Variants in MOBP observed in about 807,000 individuals in gnomAD.
MOBP encodes the protein myelin-associated oligodendrocyte basic protein.
In MOBP, 5 loss-of-function variants were observed where a neutral mutation model predicts 15.0. That is an observed-to-expected ratio of 0.33 (90% CI 0.17 to 0.70). The LOEUF is 0.70. Among genes scored for constraint, MOBP ranks in the 30% least tolerant of loss-of-function variants. MOBP has a pLI of 0.67. For missense variants in MOBP, 188 were observed against 257.8 expected (o/e 0.73, Z 1.85); for synonymous variants, 88 against 99.0 (o/e 0.89, Z 0.66).
At position 39,502,878 on chromosome 3, in the gene MOBP, T is replaced by A; in HGVS notation, c.550T>A (p.Ter184LysextTer11). Residue 184 changes from the stop codon to lysine (K), a stop_lost, in exon 4 of 4, where the codon TAA becomes AAA. Coordinates refer to ENST00000684792, the MANE Select transcript of MOBP (RefSeq NM_001393704.1). This position sits in a 1 kb window ranked among gnomAD's most constrained non-coding sequence, Gnocchi z 6.3. ...GSPVKASRFW[*>K] ...CCCCGTCAAAGCTTCTAGGTTCTGGTAACACCATCTCTTCCCTTTTGTTCC... is the reference window on the plus strand; with the variant it reads ...CCCCGTCAAAGCTTCTAGGTTCTGGAAACACCATCTCTTCCCTTTTGTTCC... 8.2e-7 allele frequency: 1 copy of A among 1,225,036 alleles called. No individual in the cohort carries two copies. Among genetic ancestry groups the A allele is most frequent in the Non-Finnish European group, 1.1e-6 (1 of 889,516 alleles). The allele number at this position is 1,225,036 out of a possible 1,614,324, so 75.9% of individuals were successfully genotyped here. A position where few individuals can be genotyped will look rare whatever the true frequency, so the allele number is the denominator to read the frequency against.
intron 1 of MOBP, among the ~76,000 whole-genome samples, chr3:39,467,973 G>A (rs2042367148): frequency 2.6e-5 from 4 of 152,248 alleles, no homozygotes; most frequent in South Asian, 2.1e-4. Context: ...TTTGGAAATC[G>A]TCTGAGCCCA....
chr3:39,509,192 A>G (rs1474287694), intron 4 of MOBP, among the ~76,000 whole-genome samples: 1 of 152,210 alleles, frequency 6.6e-6, no homozygotes, highest in Non-Finnish European at 1.5e-5. Context: ...GATTATGAAT[A>G]AAGCTGTGAA....
chr3:39,479,638 G>A (rs754353236), intron 1 of MOBP, among the ~76,000 whole-genome samples: 25 of 151,918 alleles, frequency 1.6e-4, no homozygotes, highest in Non-Finnish European at 3.1e-4. Context: ...CTCCTTTCTT[G>A]GGATGATTTA....
chr3:39,504,343 G>T (rs996844654), downstream of MOBP, among the ~76,000 whole-genome samples: 3 of 152,232 alleles, frequency 2.0e-5, no homozygotes, highest in Admixed American at 2.0e-4. Flanking sequence ...ACCTATAGTG[G>T]TGGCTTTGGG....
chr3:39,483,106 G>A (rs1484350537), intron 2 of MOBP, among the ~76,000 whole-genome samples: 1 of 152,184 alleles, frequency 6.6e-6, no homozygotes, highest in Admixed American at 6.5e-5. Flanking sequence ...TTTAATGTGT[G>A]TCCTCCTTGC....
At position 39,496,440 on chromosome 3, in the gene MOBP, C is replaced by T. The variant is rs368330419; in HGVS notation, c.-4-5626C>T. 2.0e-5 allele frequency among the ~76,000 whole-genome samples: 3 copies of T among 151,928 alleles called. No homozygotes were observed. In the South Asian group the frequency reaches 6.2e-4, roughly 32 times the overall value. Reference sequence around the variant, plus strand: ...GGTCTTGATCTCCTAACCTCATGATCCGCCCACCTTGGCCTCCCAAAGTGC... The same window carrying T: ...GGTCTTGATCTCCTAACCTCATGATTCGCCCACCTTGGCCTCCCAAAGTGC... On this transcript the variant is annotated intron_variant, in intron 2 of 3. Coordinates refer to ENST00000684792, the MANE Select transcript of MOBP (RefSeq NM_001393704.1).
rs3036570 is a variant in MOBP at position 39,494,796 on chromosome 3, C to CCCA, written c.-4-7268_-4-7267insACC. On this transcript the variant is annotated intron_variant, in intron 2 of 3. Coordinates refer to ENST00000684792, the MANE Select transcript of MOBP (RefSeq NM_001393704.1). ...ATATTTTCAAAGCCCCCCCCCGCCCCCCGAGTTACGTGTTGTTATTATTAC... is the reference window on the plus strand; with the variant it reads ...ATATTTTCAAAGCCCCCCCCCGCCCCCCACCGAGTTACGTGTTGTTATTATTAC... Among the ~76,000 whole-genome samples the CCCA allele has an allele frequency of 5.4e-3, 636 of 117,084 alleles. 4 individuals carry two copies. The highest frequency in any genetic ancestry group is 8.2e-3 in the Non-Finnish European group (471 of 57,602). 76.8% of individuals were successfully genotyped at this position (117,084 alleles called of 152,430 possible).
At chr3:39,519,173 A>C (rs1484457112), downstream of MOBP, among the ~76,000 whole-genome samples, 1 of 152,234 alleles carries the variant, frequency 6.6e-6, no homozygotes, top group African/African-American at 2.4e-5. Flanking sequence ...ATGGAGATTC[A>C]ACAGATTTTT....
In MOBP at chr3:39,502,952, G is replaced by T; in HGVS notation, c.*72G>T. On this transcript the variant is annotated 3_prime_UTR_variant, in exon 4 of 4. Transcript: ENST00000684792. The surrounding 1 kb of genome is among the most constrained non-coding windows in gnomAD (Gnocchi z 6.3). ...TTCCTGTGTTTACTAACACCGGGCT[G>T]TCTCCATGGCCCTCTTCAGCCTTAT... 1.4e-6 allele frequency: 1 copy of T among 711,434 alleles called. No individual in the cohort carries two copies. The highest frequency in any genetic ancestry group is 2.3e-6 in the Non-Finnish European group (1 of 436,370). The allele number at this position is 711,434 out of a possible 1,614,324, so 44.1% of individuals were successfully genotyped here.
At chr3:39,494,369 T>C (rs970051798) in intron 2 of MOBP, among the ~76,000 whole-genome samples, 6 of 152,204 alleles carry the variant, frequency 3.9e-5, no homozygotes, top group African/African-American at 1.4e-4. Context: ...TTCCCTTCAC[T>C]TTCTTCTCCT....
intron 4 of MOBP, among the ~76,000 whole-genome samples, chr3:39,508,291 C>T (rs919036466): frequency 6.6e-6 from 1 of 152,164 alleles, no homozygotes; most frequent in African/African-American, 2.4e-5. Context: ...TAAAATTAAA[C>T]TCTTTTGGCA....
chr3:39,486,530 A>T (rs1032915822), intron 2 of MOBP, among the ~76,000 whole-genome samples: 2 of 152,154 alleles, frequency 1.3e-5, no homozygotes, highest in African/African-American at 4.8e-5. Context: ...ATGGAAGTTC[A>T]TACTATACTT....
downstream of MOBP, among the ~76,000 whole-genome samples, chr3:39,505,454 T>C (rs1323576919): frequency 2.6e-5 from 4 of 152,216 alleles, no homozygotes; most frequent in Non-Finnish European, 4.4e-5. Flanking sequence ...TCTGCCTGTG[T>C]CTCAGGTTGC....
At chr3:39,483,453 C>T (rs2042655248) in intron 2 of MOBP, among the ~76,000 whole-genome samples, 3 of 152,168 alleles carry the variant, frequency 2.0e-5, no homozygotes. Context: ...TTCTTTGTCT[C>T]TCAAAGAATG....
downstream of MOBP, chr3:39,528,275 A>G (rs953282786): frequency 8.5e-5 from 13 of 152,196 alleles, no homozygotes; most frequent in African/African-American, 2.9e-4. Flanking sequence ...GACAAATTCT[A>G]GTTGGAATAT....
downstream of MOBP, among the ~76,000 whole-genome samples, chr3:39,506,209 C>T (rs567063974): frequency 8.5e-5 from 13 of 152,306 alleles, no homozygotes; most frequent in South Asian, 2.3e-3. Context: ...TGTTTGTTCA[C>T]GTCTGGCCCT....
At chr3:39,491,770 A>G (rs1629282) in intron 2 of MOBP, among the ~76,000 whole-genome samples, 45,330 of 152,100 alleles carry the variant, frequency 0.3, 9,144 homozygotes, top group African/African-American at 0.57. Context: ...CCAAAAGAAT[A>G]GGAAAGAAGA....
chr3:39,519,732 G>A (rs573280353), downstream of MOBP, among the ~76,000 whole-genome samples: 16 of 151,982 alleles, frequency 1.1e-4, no homozygotes, highest in African/African-American at 3.9e-4. Flanking sequence ...TTCCTAAACC[G>A]CAGCTTCTTT....
intron 1 of MOBP, among the ~76,000 whole-genome samples, chr3:39,479,676 A>G (rs886666366): frequency 6.6e-6 from 1 of 152,112 alleles, no homozygotes; most frequent in Non-Finnish European, 1.5e-5. Context: ...ATATTTTTAG[A>G]GCCAGACTCT....
Sources: allele counts gnomAD v4.1 joint callset (sites outside exome capture counted in the v4.1 genomes callset), GRCh38; gene constraint gnomAD v4.1.1; non-coding constraint Gnocchi (gnomAD v3.1); transcripts MANE v1.5; gene names NCBI Gene and HGNC (gene_info 2026-07-23, HGNC 2026-07-21).